The following ARHGEF4 variants were observed in gnomAD, a reference collection of about 807,000 sequenced individuals.
The protein encoded by ARHGEF4 is APC-stimulated guanine nucleotide exchange factor 1.
ARHGEF4 carries 119 observed loss-of-function variants against 162.0 expected under a neutral mutation model. That is an observed-to-expected ratio of 0.73 (90% confidence interval 0.63 to 0.86). The LOEUF (loss-of-function observed/expected upper bound fraction) is 0.86. Ranked by LOEUF, ARHGEF4 falls within the 40% of genes least tolerant of loss-of-function variation. The pLI is 0.00. For synonymous variants in ARHGEF4, 1,014 were observed against 979.9 expected, an observed-to-expected ratio of 1.03 and a Z score of -0.65; for missense variants, 2,488 against 2,456.0, an observed-to-expected ratio of 1.01 and a Z score of -0.28.
rs575658367 is a variant in ARHGEF4, at chr2:131,043,507, G to A, written c.5081G>A (p.Arg1694Gln). 4.3e-6 allele frequency: 7 copies of A among 1,614,094 alleles called. No individual in the cohort carries two copies. In the Admixed American group the frequency reaches 5.0e-5, roughly 12 times the overall value. ...SELIYSGELT[R>Q]VTQPQAKSQQ... ...CTCATCTACTCGGGGGAGCTGACTC[G>A]AGTTACACAGCCTCAAGCCAAAAGC... The change falls in exon 11 of 14, where the codon CGA becomes CAA. Residue 1694 changes from arginine to glutamine, a missense_variant. This residue lies in a region of ARHGEF4 where 415 missense variants were observed against 512.4 expected (regional missense o/e 0.81). Transcript: ENST00000409359.
rs1238089358 is a variant in ARHGEF4 at position 130,916,398 on chromosome 2, A to G, written c.2452A>G (p.Thr818Ala). 1 of 1,528,830 alleles carries G rather than the reference A, an allele frequency of 6.5e-7. No individual in the cohort carries two copies. The highest frequency in any genetic ancestry group is 2.5e-5 in the East Asian group (1 of 40,634). 94.7% of individuals were successfully genotyped at this position (1,528,830 alleles called of 1,614,324 possible). A position where few individuals can be genotyped will look rare whatever the true frequency, so the allele number is the denominator to read the frequency against. Residue 818 changes from threonine to alanine, a missense_variant, in exon 2 of 14, where the codon ACC (threonine) becomes GCC (alanine). By Grantham distance (58) the Thr-to-Ala change is moderately conservative. This residue lies in a region of ARHGEF4 where 1,642 missense variants were observed against 1,481.5 expected (regional missense o/e 1.11). Coordinates refer to ENST00000409359, the MANE Select transcript of ARHGEF4 (RefSeq NM_001367493.1). ...TESPGGVPAP[T>A]TEGRRWGSSG... ...GAGCCCAGGAGGGGTCCCGGCCCCG[A>G]CCACCGAGGGTCGCCGCTGGGGCTC...
In ARHGEF4 at chr2:130,915,843, A is replaced by G. The variant is rs1397894216; in HGVS notation, c.1897A>G (p.Ile633Val). ...EASRGRGALIIVAVEQKGLQA... is the reference protein window; with the variant it reads ...EASRGRGALIVVAVEQKGLQA... The stretch of plus-strand genomic sequence containing the variant: ...CTCGAGGGGCAGGGGCGCCCTCATC[A>G]TTGTAGCTGTGGAGCAGAAAGGTCT... Residue 633 changes from isoleucine to valine, a missense_variant, in exon 2 of 14, where the codon ATT (isoleucine) becomes GTT (valine). Ile to Val is a conservative substitution (Grantham distance 29). Around this residue, in one of 6 missense-constraint regions of ARHGEF4, gnomAD observed 1,642 missense variants for 1,481.5 expected, o/e 1.11. Transcript: ENST00000409359. 5 of 1,538,112 alleles carry G rather than the reference A, an allele frequency of 3.3e-6. No homozygotes were observed. The African/African-American group carries it at 5.5e-5, about 17-fold the overall frequency.
intron 4 of ARHGEF4, among the ~76,000 whole-genome samples, chr2:131,020,555 T>C (rs1689056502): frequency 6.6e-6 from 1 of 152,190 alleles, no homozygotes; most frequent in African/African-American, 2.4e-5. Flanking sequence ...TATTTCATGG[T>C]GTATATGTGC....
intron 5 of ARHGEF4, among the ~76,000 whole-genome samples, chr2:131,030,680 G>C (rs2105374765): frequency 6.6e-6 from 1 of 152,338 alleles, no homozygotes; most frequent in South Asian, 2.1e-4. Flanking sequence ...GCTGTCCTGA[G>C]AGAGGCAGTA....
intron 4 of ARHGEF4, among the ~76,000 whole-genome samples, chr2:130,981,380 A>C (rs1177114694): frequency 8.5e-5 from 13 of 152,194 alleles, no homozygotes. Context: ...CAACAAATAA[A>C]AACTAGAAGT....
chr2:130,924,140 C>T (rs1274208062), intron 2 of ARHGEF4, among the ~76,000 whole-genome samples: 1 of 151,748 alleles, frequency 6.6e-6, no homozygotes, highest in Non-Finnish European at 1.5e-5. Context: ...CTCGGCCTCC[C>T]AAAGTGCTGG....
chr2:130,863,835 A>G (rs1159712267), intron 1 of ARHGEF4, among the ~76,000 whole-genome samples: 1 of 74,740 alleles, frequency 1.3e-5, no homozygotes, highest in East Asian at 3.4e-4. Context: ...TCCATCAGCA[A>G]TTGAGAGGAT....
chr2:130,840,873 T>A (rs1247674338), intron 1 of ARHGEF4, among the ~76,000 whole-genome samples: 1 of 152,194 alleles, frequency 6.6e-6, no homozygotes, highest in Non-Finnish European at 1.5e-5. Flanking sequence ...ATTCACGGCA[T>A]ATACCTGTGC....
In ARHGEF4 at chr2:130,917,134, A is replaced by C. The variant is rs1425443119; in HGVS notation, c.3188A>C (p.Gln1063Pro). The C allele has an allele frequency of 9.0e-6, 14 of 1,550,506 alleles. No homozygotes were observed. Among genetic ancestry groups the C allele is most frequent in the Non-Finnish European group, 1.2e-5 (14 of 1,146,990 alleles). ...LASPGSPRAQQAGIAHTLPSS... is the reference protein window; with the variant it reads ...LASPGSPRAQPAGIAHTLPSS... ...TCCCCCGGCAGCCCTCGGGCCCAGC[A>C]GGCTGGAATCGCACACACCCTGCCT... The change falls in exon 2 of 14, where the codon CAG (glutamine) becomes CCG (proline). Residue 1063 changes from glutamine (Q) to proline (P), a missense_variant. Coordinates refer to ENST00000409359, the MANE Select transcript of ARHGEF4 (RefSeq NM_001367493.1).
chr2:130,943,032 A>G (rs1439481265), intron 3 of ARHGEF4, among the ~76,000 whole-genome samples: 4 of 152,036 alleles, frequency 2.6e-5, no homozygotes, highest in Non-Finnish European at 4.4e-5. Flanking sequence ...TATTTCTTCT[A>G]TTGATTACTG....
At chr2:131,039,677 T>C (rs1573698441) in intron 6 of ARHGEF4, 1 of 1,214,576 alleles carries the variant, frequency 8.2e-7, no homozygotes, top group East Asian at 4.6e-5. Flanking sequence ...GCGCCACCCA[T>C]CCCCCTGCTT....
Position 130,914,168 on chromosome 2 carries a change from C to T in ARHGEF4, c.222C>T (p.Ala74=). The T allele has an allele frequency of 6.5e-7, 1 of 1,536,084 alleles. No homozygotes were observed. Among genetic ancestry groups the T allele is most frequent in the Non-Finnish European group, 8.7e-7 (1 of 1,146,910 alleles). ...SDTKTDPFES[A]SDTESLSGYL... ...CAAAAACTGACCCCTTTGAAAGTGC[C>T]TCTGACACAGAGTCCTTGTCTGGGT... The change falls in exon 2 of 14, where the codon GCC becomes GCT. Residue 74 remains alanine, a synonymous_variant. Coordinates refer to ENST00000409359, the MANE Select transcript of ARHGEF4 (RefSeq NM_001367493.1).
At chr2:130,917,556 G>T in intron 2 of ARHGEF4, 58 bp downstream of exon 2, 2 of 1,480,788 alleles carry the variant, frequency 1.4e-6, no homozygotes, top group Non-Finnish European at 1.8e-6. Context: ...AGAAGGAGGG[G>T]AGCAGGCGGG....
At chr2:131,039,763 A>G in intron 6 of ARHGEF4, 1 of 1,374,634 alleles carries the variant, frequency 7.3e-7, no homozygotes. Context: ...TGCCGGGCAC[A>G]AGCAGGGTCT....
chr2:131,010,134 C>T (rs1286463984), intron 4 of ARHGEF4, among the ~76,000 whole-genome samples: 1 of 152,216 alleles, frequency 6.6e-6, no homozygotes, highest in Non-Finnish European at 1.5e-5. Flanking sequence ...ACACAGAGCT[C>T]TGTAGCTCGC....
chr2:130,987,315 G>A (rs775308156), intron 4 of ARHGEF4, among the ~76,000 whole-genome samples: 10 of 152,338 alleles, frequency 6.6e-5, no homozygotes, highest in South Asian at 6.2e-4. Context: ...GTCTGGAGTT[G>A]GTTCCCGCCC....
chr2:131,011,857 C>T (rs1262863644), intron 4 of ARHGEF4: 3 of 710,046 alleles, frequency 4.2e-6, no homozygotes, highest in Admixed American at 4.0e-5. Context: ...TCTTGTGTCA[C>T]TCCGTGAAGT....
At chr2:131,039,291 C>T (rs1690569061) in intron 6 of ARHGEF4, 11 of 1,267,144 alleles carry the variant, frequency 8.7e-6, no homozygotes, top group South Asian at 2.3e-5. Flanking sequence ...CACCCCTCTG[C>T]GATACCCCCG....
At chr2:131,038,497 GCC>G (rs1438127182) in intron 5 of ARHGEF4, among the ~76,000 whole-genome samples, 1 of 147,608 alleles carries the variant, frequency 6.8e-6, no homozygotes, top group East Asian at 2.0e-4. Context: ...GCAGCCCTCA[GCC>G]CCTCCCTCCT....
Sources: gnomAD v4.1 joint callset for allele counts (sites outside exome capture counted in the v4.1 genomes callset) on GRCh38, gnomAD v4.1.1 for gene constraint, gnomAD v4.1.1 regional missense constraint, MANE v1.5 for transcripts, NCBI Gene and HGNC (gene_info 2026-07-23, HGNC 2026-07-21) for gene names.